Variants in SPAG16 observed in about 807,000 individuals in gnomAD.
SPAG16 encodes sperm associated antigen 16.
Under a neutral mutation model 80.4 loss-of-function variants are expected in SPAG16, and 86 were observed. That is an observed-to-expected ratio of 1.07 (90% CI 0.90 to 1.28). The LOEUF (loss-of-function observed/expected upper bound fraction) is 1.28. Among genes scored for constraint, SPAG16 ranks in the 50% most tolerant of loss-of-function variants. SPAG16 has a pLI of 0.00. For missense variants in SPAG16, 870 were observed against 765.3 expected (o/e 1.14, Z -1.61); for synonymous variants, 294 against 265.9 (o/e 1.11, Z -1.03).
chr2:213,702,561 C>G (rs750565019), intron 10 of SPAG16, among the ~76,000 whole-genome samples: 14 of 152,112 alleles, frequency 9.2e-5, no homozygotes, highest in Non-Finnish European at 1.9e-4. Flanking sequence ...TTGGCGAGAC[C>G]AAGAACCCAC....
At position 213,583,280 on chromosome 2, in the gene SPAG16, A is replaced by G. The variant is rs555309975; in HGVS notation, c.1070+93190A>G. ...GCCAGTGCATGAACAGTCTGTACCT[A>G]GTTTGGAAAATTATAAGTAACGCTG... On this transcript the variant is annotated intron_variant, in intron 10 of 15. Transcript: ENST00000331683. Among the ~76,000 whole-genome samples the G allele has an allele frequency of 4.6e-5, 7 of 152,304 alleles. No homozygotes were observed. In the South Asian group the frequency reaches 8.3e-4, roughly 18 times the overall value.
intron 10 of SPAG16, among the ~76,000 whole-genome samples, chr2:213,525,984 G>C (rs544133940): frequency 1.6e-4 from 25 of 152,118 alleles, no homozygotes; most frequent in African/African-American, 6.0e-4. Context: ...TCATCAACTT[G>C]CTTCTCCAGA....
chr2:213,488,467 C>T (rs181549654), intron 9 of SPAG16, among the ~76,000 whole-genome samples: 1 of 152,230 alleles, frequency 6.6e-6, no homozygotes, highest in Non-Finnish European at 1.5e-5. Context: ...ACCAAAAACT[C>T]TGTTCATAAC....
intron 3 of SPAG16, among the ~76,000 whole-genome samples, chr2:213,306,152 T>C (rs1483216545): frequency 6.6e-6 from 1 of 151,902 alleles, no homozygotes; most frequent in Non-Finnish European, 1.5e-5. Context: ...CCTCCAATGA[T>C]CCTTTAAAAT....
chr2:213,610,935 C>T (rs2061422459), intron 10 of SPAG16, among the ~76,000 whole-genome samples: 1 of 152,174 alleles, frequency 6.6e-6, no homozygotes, highest in Admixed American at 6.5e-5. Flanking sequence ...ACTCCCAAGT[C>T]TGGGTCTATT....
chr2:213,980,541 AAT>A (rs1340539663), intron 12 of SPAG16, among the ~76,000 whole-genome samples: 2 of 140,816 alleles, frequency 1.4e-5, no homozygotes, highest in East Asian at 2.0e-4. Context: ...GTGTATATAT[AAT>A]ATATATAGAA....
intron 12 of SPAG16, among the ~76,000 whole-genome samples, chr2:213,991,507 G>A (rs1019886417): frequency 4.6e-5 from 7 of 151,982 alleles, no homozygotes; most frequent in African/African-American, 1.2e-4. Context: ...ACTATTTTAT[G>A]GTTTGGCATC....
At chr2:214,012,319 G>T in intron 12 of SPAG16, among the ~76,000 whole-genome samples, 1 of 85,590 alleles carries the variant, frequency 1.2e-5, no homozygotes, top group African/African-American at 5.4e-5. Context: ...TCCTCGAGAG[G>T]GCATCTCGCT....
intron 14 of SPAG16, among the ~76,000 whole-genome samples, chr2:214,113,154 C>T (rs1288364035): frequency 6.6e-6 from 1 of 152,180 alleles, no homozygotes; most frequent in Non-Finnish European, 1.5e-5. Context: ...CCCCCACTCT[C>T]TTCTGGCTTG....
Position 213,929,899 on chromosome 2 carries a change from A to G in SPAG16, c.1215-61A>G, listed in dbSNP as rs969789532. On this transcript the variant is annotated intron_variant, in intron 11 of 15. Coordinates refer to ENST00000331683, the MANE Select transcript of SPAG16 (RefSeq NM_024532.5). ...TACACACAAATTACTCATAGAATGC[A>G]GTATTCATAAAAATTATGTTACTTT... The G allele has an allele frequency of 7.7e-6, 11 of 1,428,976 alleles. No individual in the cohort carries two copies. In the African/African-American group the frequency reaches 1.5e-4, roughly 20 times the overall value. 88.5% of individuals were successfully genotyped at this position (1,428,976 alleles called of 1,614,324 possible). A position where few individuals can be genotyped will look rare whatever the true frequency, so the allele number is the denominator to read the frequency against.
intron 10 of SPAG16, among the ~76,000 whole-genome samples, chr2:213,674,639 G>GT (rs1467567527): frequency 6.7e-6 from 1 of 149,352 alleles, no homozygotes; most frequent in Non-Finnish European, 1.5e-5. Context: ...GCAGTGTTTG[G>GT]TTTTTTGTCC....
chr2:213,588,822 A>AAAAAAAAAC, intron 10 of SPAG16, among the ~76,000 whole-genome samples: 1 of 140,338 alleles, frequency 7.1e-6, no homozygotes, highest in Admixed American at 7.1e-5. Flanking sequence ...AAAAAAAAAA[A>AAAAAAAAAC]AAAAAAAAAA....
chr2:214,257,923 C>A (rs1033399175), intron 15 of SPAG16, among the ~76,000 whole-genome samples: 1 of 151,902 alleles, frequency 6.6e-6, no homozygotes, highest in African/African-American at 2.4e-5. Flanking sequence ...ACTACTGAAA[C>A]CATATGGGCG....
chr2:213,704,216 G>A (rs1022599768), intron 10 of SPAG16, among the ~76,000 whole-genome samples: 1 of 152,252 alleles, frequency 6.6e-6, no homozygotes, highest in African/African-American at 2.4e-5. Flanking sequence ...GAAATGAAAT[G>A]TTCTCCTTGA....
intron 10 of SPAG16, among the ~76,000 whole-genome samples, chr2:213,521,788 C>T (rs768741112): frequency 6.6e-6 from 1 of 152,186 alleles, no homozygotes; most frequent in Non-Finnish European, 1.5e-5. Flanking sequence ...ATTTATAGTA[C>T]TCCCATGCTG....
At chr2:213,816,506 T>C (rs1430473370) in intron 10 of SPAG16, among the ~76,000 whole-genome samples, 1 of 152,088 alleles carries the variant, frequency 6.6e-6, no homozygotes, top group African/African-American at 2.4e-5. Context: ...CAAATAAAAT[T>C]TATTTTTCTA....
At chr2:214,265,604 T>G (rs1257204533) in intron 15 of SPAG16, among the ~76,000 whole-genome samples, 1 of 152,032 alleles carries the variant, frequency 6.6e-6, no homozygotes, top group Non-Finnish European at 1.5e-5. Context: ...AGTTTTTAAT[T>G]TTAATGAGGT....
intron 9 of SPAG16, among the ~76,000 whole-genome samples, chr2:213,379,802 C>T (rs1316736885): frequency 1.3e-5 from 2 of 152,190 alleles, no homozygotes; most frequent in African/African-American, 4.8e-5. Flanking sequence ...CAGCCATGGT[C>T]AGTGGAAGTC....
chr2:213,915,227 C>G (rs142496463), intron 11 of SPAG16, among the ~76,000 whole-genome samples: 1,673 of 151,982 alleles, frequency 0.011, 38 homozygotes, highest in African/African-American at 0.035. Flanking sequence ...TTTGCTGCAC[C>G]CATCAACCCA....
Sources: gnomAD v4.1 joint callset for allele counts (sites outside exome capture counted in the v4.1 genomes callset) on GRCh38, gnomAD v4.1.1 for gene constraint, MANE v1.5 for transcripts, NCBI Gene and HGNC (gene_info 2026-07-23, HGNC 2026-07-21) for gene names.